The following NTRK2 variants were observed in gnomAD, a reference collection of about 807,000 sequenced individuals.
NTRK2 encodes the protein BDNF/NT-3 growth factors receptor.
In NTRK2, 13 loss-of-function variants were observed where a neutral mutation model predicts 94.5. The ratio of observed to expected loss-of-function variants is 0.14; its 90% CI spans 0.09 to 0.22. The LOEUF is 0.22. NTRK2 is among the 10% of genes least tolerant of loss of function. NTRK2 has a pLI of 1.00. For synonymous variants in NTRK2, 372 were observed against 407.4 expected (o/e 0.91, Z 1.05); for missense variants, 639 against 1,071.2 (o/e 0.60, Z 5.63).
chr9:84,675,258 G>A (rs893583), intron 2 of NTRK2, among the ~76,000 whole-genome samples: 78,192 of 148,528 alleles, frequency 0.53, 20,882 homozygotes, highest in East Asian at 0.59. Context: ...ATAAAAACTA[G>A]TGTTTTTGTT....
chr9:84,866,178 G>T (rs1797133692), intron 13 of NTRK2, among the ~76,000 whole-genome samples: 1 of 152,182 alleles, frequency 6.6e-6, no homozygotes. Context: ...GTATTTTGTA[G>T]ACAAAAGTGG....
chr9:84,838,838 C>T (rs1417012998), intron 12 of NTRK2, among the ~76,000 whole-genome samples: 1 of 151,742 alleles, frequency 6.6e-6, no homozygotes, highest in Non-Finnish European at 1.5e-5. Flanking sequence ...TATAAAATAA[C>T]ACTACATACC....
chr9:84,758,304 G>A (rs1267413957), intron 12 of NTRK2, among the ~76,000 whole-genome samples: 1 of 151,710 alleles, frequency 6.6e-6, no homozygotes, highest in African/African-American at 2.4e-5. Context: ...GCTCTAAGGT[G>A]GTAAACATAT....
At chr9:84,672,791 T>C (rs1023667075) in intron 2 of NTRK2, among the ~76,000 whole-genome samples, 3 of 152,232 alleles carry the variant, frequency 2.0e-5, no homozygotes, top group South Asian at 4.1e-4. Context: ...AGCTGCCTGA[T>C]GTATATGAAA....
chr9:84,730,783 CAAAAAAAAAAAAA>C, intron 9 of NTRK2, among the ~76,000 whole-genome samples: 1 of 24,138 alleles, frequency 4.1e-5, no homozygotes, highest in Non-Finnish European at 6.7e-5. Flanking sequence ...AAACAAATAG[CAAAAAAAAAAAAA>C]AAAAAAAAAA....
chr9:84,895,992 C>A (rs2076747031), intron 14 of NTRK2, among the ~76,000 whole-genome samples: 1 of 152,330 alleles, frequency 6.6e-6, no homozygotes, highest in South Asian at 2.1e-4. Flanking sequence ...TCTTTGGCCA[C>A]CCCACTTTTG....
rs556300065 is a variant in NTRK2, at chr9:84,763,350, CCTCACTGACT to C, written c.1396+11269_1396+11278del. Among the ~76,000 whole-genome samples, 91 of 152,196 alleles carry C rather than the reference CCTCACTGACT, an allele frequency of 6.0e-4. No individual in the cohort carries two copies. Among genetic ancestry groups the C allele is most frequent in the South Asian group, 3.5e-3 (17 of 4,816 alleles). On this transcript the variant is annotated intron_variant, in intron 12 of 18. Coordinates refer to ENST00000277120, the MANE Select transcript of NTRK2 (RefSeq NM_006180.6). Reference sequence around the variant, plus strand: ...CCTGCCTGTATCTAACCATTTTTCCCCTCACTGACTCTCTTCCTATTTCCTATGGGGACAG... The same window carrying C: ...CCTGCCTGTATCTAACCATTTTTCCCCTCTTCCTATTTCCTATGGGGACAG...
intron 12 of NTRK2, among the ~76,000 whole-genome samples, chr9:84,802,736 A>G (rs2133409589): frequency 1.3e-5 from 2 of 152,320 alleles, no homozygotes; most frequent in South Asian, 4.1e-4. Context: ...GCTTTCAGAT[A>G]GAGTAAGCTC....
chr9:84,699,283 G>T (rs993805884), intron 2 of NTRK2, among the ~76,000 whole-genome samples: 1 of 152,086 alleles, frequency 6.6e-6, no homozygotes, highest in African/African-American at 2.4e-5. Flanking sequence ...TGATCCGCCC[G>T]ACTTGGCCTC....
Position 85,026,302 on chromosome 9 carries a change from C to T in NTRK2, c.*4865C>T, listed in dbSNP as rs1283700984. 1 of 231,624 alleles carries T rather than the reference C, an allele frequency of 4.3e-6. No individual in the cohort carries two copies. Among genetic ancestry groups the T allele is most frequent in the Non-Finnish European group, 8.5e-6 (1 of 117,194 alleles). 14.3% of individuals were successfully genotyped at this position (231,624 alleles called of 1,614,324 possible). A position where few individuals can be genotyped will look rare whatever the true frequency, so the allele number is the denominator to read the frequency against. ...TAGTCTATGCGTTTGAGGCCAGGTC[C>T]ATGTTTATTTATTTCTTTAGTCTAT... On this transcript the variant is annotated 3_prime_UTR_variant, in exon 19 of 19. Coordinates refer to ENST00000277120, the MANE Select transcript of NTRK2 (RefSeq NM_006180.6).
At chr9:84,773,413 G>T (rs937548188) in intron 12 of NTRK2, among the ~76,000 whole-genome samples, 2 of 152,212 alleles carry the variant, frequency 1.3e-5, no homozygotes, top group Non-Finnish European at 2.9e-5. Flanking sequence ...TGATGGAGGG[G>T]TGAGGGGAGT....
At chr9:84,744,717 G>T (rs1056783177) in intron 10 of NTRK2, among the ~76,000 whole-genome samples, 1 of 152,112 alleles carries the variant, frequency 6.6e-6, no homozygotes, top group African/African-American at 2.4e-5. Context: ...AAAAATCCCT[G>T]AACCAGGTTT....
At chr9:84,847,060 A>G (rs2074507387) in intron 12 of NTRK2, among the ~76,000 whole-genome samples, 1 of 152,214 alleles carries the variant, frequency 6.6e-6, no homozygotes, top group African/African-American at 2.4e-5. Flanking sequence ...TAGCTAAAGT[A>G]TATGTCTATT....
chr9:84,904,478 A>G (rs1455724003), intron 14 of NTRK2, among the ~76,000 whole-genome samples: 1 of 152,180 alleles, frequency 6.6e-6, no homozygotes, highest in Non-Finnish European at 1.5e-5. Context: ...TCTTCTTATA[A>G]CAACTGTGTT....
chr9:84,867,159 TA>T, intron 13 of NTRK2, 83 bp from the exon 14 acceptor site: 1 of 1,349,480 alleles, frequency 7.4e-7, no homozygotes, highest in Non-Finnish European at 1.1e-6. Context: ...TTGTATACTT[TA>T]AATGGGTAAA....
intron 14 of NTRK2, among the ~76,000 whole-genome samples, chr9:84,895,134 C>T (rs745572078): frequency 1.4e-4 from 22 of 152,120 alleles, no homozygotes; most frequent in African/African-American, 3.9e-4. Flanking sequence ...TCGTGGACTT[C>T]GTACTCTTAA....
At chr9:84,717,793 T>G (rs545804662) in intron 6 of NTRK2, among the ~76,000 whole-genome samples, 3 of 152,326 alleles carry the variant, frequency 2.0e-5, no homozygotes, top group Middle Eastern at 6.8e-3. Context: ...TATATGTATA[T>G]CTTATATTTT....
At chr9:85,020,967 C>G (rs1300836841) in intron 18 of NTRK2, among the ~76,000 whole-genome samples, 1 of 152,134 alleles carries the variant, frequency 6.6e-6, no homozygotes, top group Non-Finnish European at 1.5e-5. Flanking sequence ...CAATAAAAAC[C>G]ACAACATGTG....
At position 84,684,043 on chromosome 9, in the gene NTRK2, G is replaced by GTT. The variant is rs35529520; in HGVS notation, c.212+13091_212+13092dup. On this transcript the variant is annotated intron_variant, in intron 2 of 18. Transcript: ENST00000277120. Reference sequence around the variant, plus strand: ...TATCCTTTGCCCACTTTTTTTATGGGTTTTTTTTTCTTGTAAATTTGTTTA... The same window carrying GTT: ...TATCCTTTGCCCACTTTTTTTATGGGTTTTTTTTTTTCTTGTAAATTTGTTTA... Among the ~76,000 whole-genome samples the GTT allele has an allele frequency of 1.9e-4, 28 of 151,030 alleles. No homozygotes were observed. In the East Asian group the frequency reaches 2.9e-3, roughly 16 times the overall value.
Sources: gnomAD v4.1 joint callset for allele counts (sites outside exome capture counted in the v4.1 genomes callset) on GRCh38, gnomAD v4.1.1 for gene constraint, MANE v1.5 for transcripts, NCBI Gene and HGNC (gene_info 2026-07-23, HGNC 2026-07-21) for gene names.